ABTB3: variants seen among roughly 807,000 people sequenced by gnomAD.
The protein encoded by ABTB3 is ankyrin repeat and BTB domain containing 3.
chr12:107,594,199 A>G, the ABTB3 span, among the ~76,000 whole-genome samples: 1 of 152,160 alleles, frequency 6.6e-6, no homozygotes, highest in Admixed American at 6.5e-5. Context: ...GTCATTTTCT[A>G]CTCAAAATCA....
At chr12:107,574,919 C>G in the ABTB3 span, among the ~76,000 whole-genome samples, 1 of 152,308 alleles carries the variant, frequency 6.6e-6, no homozygotes, top group East Asian at 1.9e-4. Context: ...TGGACTATGC[C>G]TTGCACAGTA....
chr12:107,414,653 G>A, the ABTB3 span, among the ~76,000 whole-genome samples: 10 of 151,458 alleles, frequency 6.6e-5, no homozygotes, highest in South Asian at 2.1e-4. Context: ...GCCACACCTC[G>A]TCTGGTCTCT....
the ABTB3 span, among the ~76,000 whole-genome samples, chr12:107,597,376 T>C: frequency 6.6e-6 from 1 of 152,220 alleles, no homozygotes; most frequent in Non-Finnish European, 1.5e-5. Flanking sequence ...TTCTAGAGTC[T>C]GGAAAGTCCA....
the ABTB3 span, among the ~76,000 whole-genome samples, chr12:107,455,436 AT>A: frequency 2.3e-3 from 327 of 141,888 alleles, no homozygotes; most frequent in Admixed American, 2.6e-3. Flanking sequence ...TTGTGATGGG[AT>A]TTTTTTTTTT....
chr12:107,544,567 C>T, the ABTB3 span, among the ~76,000 whole-genome samples: 1 of 152,182 alleles, frequency 6.6e-6, no homozygotes, highest in African/African-American at 2.4e-5. Context: ...GGGCAAGGGG[C>T]TTGATTGCCC....
At chr12:107,369,706 G>GA in the ABTB3 span, among the ~76,000 whole-genome samples, 1 of 74,776 alleles carries the variant, frequency 1.3e-5, no homozygotes, top group South Asian at 6.6e-4. Flanking sequence ...GCCCAAACAT[G>GA]GTTTTTTTTT....
At chr12:107,395,920 G>A in the ABTB3 span, among the ~76,000 whole-genome samples, 28 of 152,366 alleles carry the variant, frequency 1.8e-4, no homozygotes, top group African/African-American at 6.3e-4. Flanking sequence ...ATCGTGTGGT[G>A]AGCACAGGAG....
chr12:107,424,705 C>G, the ABTB3 span, among the ~76,000 whole-genome samples: 1 of 152,268 alleles, frequency 6.6e-6, no homozygotes, highest in Non-Finnish European at 1.5e-5. Flanking sequence ...TCTCCTGACC[C>G]AGACCTGTAT....
chr12:107,504,370 C>T, the ABTB3 span, among the ~76,000 whole-genome samples: 1 of 151,824 alleles, frequency 6.6e-6, no homozygotes, highest in Non-Finnish European at 1.5e-5. Context: ...TAATCTCCTC[C>T]ATGCCCGTAA....
At chr12:107,354,637 A>G in the ABTB3 span, among the ~76,000 whole-genome samples, 2 of 152,112 alleles carry the variant, frequency 1.3e-5, no homozygotes, top group Non-Finnish European at 2.9e-5. Context: ...TGTTTTGTTT[A>G]TCCATCAATT....
the ABTB3 span, among the ~76,000 whole-genome samples, chr12:107,359,285 G>T: frequency 6.6e-6 from 1 of 152,202 alleles, no homozygotes; most frequent in Non-Finnish European, 1.5e-5. Context: ...TCTGGTCCAG[G>T]CGTCTTATTT....
chr12:107,426,604 G>C, the ABTB3 span, among the ~76,000 whole-genome samples: 2 of 152,130 alleles, frequency 1.3e-5, no homozygotes, highest in African/African-American at 4.8e-5. Context: ...GACCACGTTT[G>C]GGTTTACTGA....
the ABTB3 span, among the ~76,000 whole-genome samples, chr12:107,469,660 C>T: frequency 3.9e-5 from 6 of 152,274 alleles, no homozygotes; most frequent in South Asian, 2.1e-4. Flanking sequence ...GTGCCCACCT[C>T]ATAGGGTGGT....
the ABTB3 span, among the ~76,000 whole-genome samples, chr12:107,555,084 T>C: frequency 6.6e-6 from 1 of 152,186 alleles, no homozygotes; most frequent in Non-Finnish European, 1.5e-5. Flanking sequence ...TCTCAGGCTT[T>C]GGAGCAGCAG....
At chr12:107,445,891 CCCCTCT>C in the ABTB3 span, among the ~76,000 whole-genome samples, 1 of 134,908 alleles carries the variant, frequency 7.4e-6, no homozygotes, top group African/African-American at 2.8e-5. Flanking sequence ...TCTCCCCTCT[CCCCTCT>C]CCCCTCTCCC....
At chr12:107,544,864 A>G in the ABTB3 span, among the ~76,000 whole-genome samples, 1 of 152,254 alleles carries the variant, frequency 6.6e-6, no homozygotes, top group East Asian at 1.9e-4. Context: ...TTTTCTAATT[A>G]AAAGCTGGGG....
chr12:107,374,394 G>A, the ABTB3 span, among the ~76,000 whole-genome samples: 7 of 152,116 alleles, frequency 4.6e-5, no homozygotes, highest in Non-Finnish European at 1.0e-4. Context: ...GTTTGAGGCC[G>A]ACTCACTCCT....
At chr12:107,354,691 G>A in the ABTB3 span, among the ~76,000 whole-genome samples, 1 of 152,242 alleles carries the variant, frequency 6.6e-6, no homozygotes, top group Middle Eastern at 3.4e-3. Context: ...ATTATGAAGC[G>A]GTTGCACCTT....
At chr12:107,441,649 C>T in the ABTB3 span, among the ~76,000 whole-genome samples, 8 of 151,836 alleles carry the variant, frequency 5.3e-5, no homozygotes, top group African/African-American at 9.7e-5. Context: ...AAAAAGTTAC[C>T]TGGGGGGTCC....
Sources: allele counts gnomAD v4.1 joint callset (sites outside exome capture counted in the v4.1 genomes callset), GRCh38; gene constraint gnomAD v4.1.1; transcripts MANE v1.5; gene names NCBI Gene and HGNC (gene_info 2026-07-23, HGNC 2026-07-21).